PPP2R3A: variants seen among roughly 807,000 people sequenced by gnomAD.
PPP2R3A encodes serine/threonine-protein phosphatase 2A regulatory subunit B'' subunit alpha.
PPP2R3A carries 80 observed loss-of-function variants against 106.9 expected under a neutral mutation model. The observed-to-expected ratio is 0.75, with a 90% CI of 0.62 to 0.90. The LOEUF is 0.90. Among genes scored for constraint, PPP2R3A ranks in the 40% least tolerant of loss-of-function variants. PPP2R3A has a pLI of 0.00. For synonymous variants in PPP2R3A, 483 were observed against 468.3 expected (o/e 1.03, Z -0.41); for missense variants, 1,386 against 1,350.4 (o/e 1.03, Z -0.41).
At chr3:136,082,682 G>A (rs1323462272) in intron 8 of PPP2R3A, among the ~76,000 whole-genome samples, 1 of 152,140 alleles carries the variant, frequency 6.6e-6, no homozygotes, top group African/African-American at 2.4e-5. Context: ...TCTTTATACT[G>A]GTGTGTATTT....
intron 13 of PPP2R3A, among the ~76,000 whole-genome samples, chr3:136,143,270 C>T (rs1469244405): frequency 6.6e-6 from 1 of 152,130 alleles, no homozygotes; most frequent in Non-Finnish European, 1.5e-5. Flanking sequence ...GGGTGGATCA[C>T]CTGAGGTCAG....
At chr3:136,093,876 C>G (rs1299900242) in intron 10 of PPP2R3A, among the ~76,000 whole-genome samples, 2 of 152,182 alleles carry the variant, frequency 1.3e-5, no homozygotes, top group Non-Finnish European at 2.9e-5. Context: ...CCTAGCAATT[C>G]CACTCCTTAG....
At chr3:136,121,479 A>C (rs1476018257) in intron 13 of PPP2R3A, among the ~76,000 whole-genome samples, 1 of 152,158 alleles carries the variant, frequency 6.6e-6, no homozygotes, top group Non-Finnish European at 1.5e-5. Flanking sequence ...CTACCTATCA[A>C]GTACTGTGCT....
At chr3:136,013,038 C>T (rs1442835743) in intron 2 of PPP2R3A, among the ~76,000 whole-genome samples, 1 of 152,206 alleles carries the variant, frequency 6.6e-6, no homozygotes, top group African/African-American at 2.4e-5. Context: ...TAAGTGAGAA[C>T]ATACGAGTTT....
intron 6 of PPP2R3A, among the ~76,000 whole-genome samples, chr3:136,075,622 AAAG>A (rs1191210590): frequency 2.6e-5 from 4 of 152,228 alleles, no homozygotes; most frequent in Admixed American, 6.5e-5. Context: ...AAAAATTCAA[AAAG>A]AAGAGGAGAA....
At chr3:135,997,205 T>A (rs377621954) in intron 1 of PPP2R3A, among the ~76,000 whole-genome samples, 6 of 152,314 alleles carry the variant, frequency 3.9e-5, no homozygotes, top group African/African-American at 1.4e-4. Context: ...CTACACCACT[T>A]TTTTTGACAC....
In PPP2R3A at chr3:135,999,406, T is replaced by G. The variant is rs551074249; in HGVS notation, c.-440-1653T>G. On this transcript the variant is annotated intron_variant, in intron 1 of 13. Coordinates refer to ENST00000264977, the MANE Select transcript of PPP2R3A (RefSeq NM_002718.5). ...TGGTGCTTCTGAGTTAGGTTGGATC[T>G]CTGATTGAAAATAGTGGATTAGATT... Among the ~76,000 whole-genome samples, 9 of 152,318 alleles carry G rather than the reference T, an allele frequency of 5.9e-5. No individual in the cohort carries two copies. The South Asian group carries it at 1.0e-3, about 18-fold the overall frequency.
Position 135,976,646 on chromosome 3 carries a change from G to C in PPP2R3A, c.-441+10797G>C, listed in dbSNP as rs528894930. On this transcript the variant is annotated intron_variant, in intron 1 of 13. Coordinates refer to ENST00000264977, the MANE Select transcript of PPP2R3A (RefSeq NM_002718.5). Reference sequence around the variant, plus strand: ...AAAAATGGCATATTTCCTCCAATCTGTTGGAGTCCTCTCCCTTTGTGGTAT... The same window carrying C: ...AAAAATGGCATATTTCCTCCAATCTCTTGGAGTCCTCTCCCTTTGTGGTAT... Among the ~76,000 whole-genome samples the C allele has an allele frequency of 6.6e-5, 10 of 152,198 alleles. No homozygotes were observed. In the South Asian group the frequency reaches 1.7e-3, roughly 25 times the overall value.
chr3:136,107,457 A>G (rs1335205203), intron 13 of PPP2R3A, among the ~76,000 whole-genome samples: 2 of 62,096 alleles, frequency 3.2e-5, no homozygotes, highest in African/African-American at 6.4e-5. Context: ...TTTTTTTTTG[A>G]GACAGTCTCA....
intron 1 of PPP2R3A, among the ~76,000 whole-genome samples, chr3:135,984,000 A>G (rs2107763102): frequency 6.6e-6 from 1 of 152,220 alleles, no homozygotes; most frequent in South Asian, 2.1e-4. Flanking sequence ...TAGTTTTCAA[A>G]CTTTTTGAAA....
At position 136,074,528 on chromosome 3, in the gene PPP2R3A, A is replaced by C. The variant is rs142236497; in HGVS notation, c.2545-3839A>C. ...GCATGCTGTGCAAAAATTGCCAGTG[A>C]ATAAAAGGTTTTGCTTATCCAAACC... is the stretch of plus-strand genomic sequence containing the variant. On this transcript the variant is annotated intron_variant, in intron 6 of 13. Transcript: ENST00000264977. 6.6e-3 allele frequency among the ~76,000 whole-genome samples: 1,006 copies of C among 152,372 alleles called. 11 individuals are homozygous for C. Among genetic ancestry groups the C allele is most frequent in the Middle Eastern group, 0.02 (6 of 294 alleles).
chr3:136,107,571 TA>T (rs768861632), intron 13 of PPP2R3A, among the ~76,000 whole-genome samples: 3 of 150,936 alleles, frequency 2.0e-5, no homozygotes, highest in Non-Finnish European at 4.4e-5. Flanking sequence ...GCCCCATAGA[TA>T]AAGTCAAATA....
chr3:136,076,899 A>G (rs1362300622), intron 6 of PPP2R3A, among the ~76,000 whole-genome samples: 1 of 150,928 alleles, frequency 6.6e-6, no homozygotes, highest in Non-Finnish European at 1.5e-5. Context: ...GTGAGCCGAG[A>G]TTGTGCCACT....
At chr3:135,984,077 C>A (rs901063050) in intron 1 of PPP2R3A, among the ~76,000 whole-genome samples, 1 of 152,138 alleles carries the variant, frequency 6.6e-6, no homozygotes, top group Non-Finnish European at 1.5e-5. Flanking sequence ...ATAACAACTT[C>A]AGTGTTGTAT....
intron 3 of PPP2R3A, among the ~76,000 whole-genome samples, chr3:136,030,778 A>ATATATATATATG (rs1206335696): frequency 9.1e-4 from 101 of 111,276 alleles, no homozygotes; most frequent in South Asian, 5.1e-3. Context: ...ATATATATAT[A>ATATATATATATG]TATGTATGTA....
chr3:136,026,619 CTA>C (rs1934666986), intron 2 of PPP2R3A, among the ~76,000 whole-genome samples: 1 of 152,008 alleles, frequency 6.6e-6, no homozygotes, highest in African/African-American at 2.4e-5. Context: ...AAACGTAAAT[CTA>C]TGTAAACTTG....
chr3:136,028,666 T>C (rs1025931393), intron 3 of PPP2R3A, among the ~76,000 whole-genome samples: 2 of 152,232 alleles, frequency 1.3e-5, no homozygotes, highest in Non-Finnish European at 2.9e-5. Context: ...CCCAATTCTT[T>C]TAGAGGTGGC....
intron 10 of PPP2R3A, among the ~76,000 whole-genome samples, chr3:136,098,288 C>G (rs372659705): frequency 2.6e-5 from 4 of 152,272 alleles, no homozygotes; most frequent in Admixed American, 2.0e-4. Context: ...TGCACTCCAG[C>G]CTGGGTAACA....
chr3:136,051,797 C>T (rs1180067296), intron 5 of PPP2R3A, among the ~76,000 whole-genome samples: 2 of 152,184 alleles, frequency 1.3e-5, no homozygotes, highest in Non-Finnish European at 2.9e-5. Flanking sequence ...ATGCTCCATC[C>T]CAGTCACTGC....
Sources: allele counts gnomAD v4.1 joint callset (sites outside exome capture counted in the v4.1 genomes callset), GRCh38; gene constraint gnomAD v4.1.1; transcripts MANE v1.5; gene names NCBI Gene and HGNC (gene_info 2026-07-23, HGNC 2026-07-21).